Variants in ENTPD1 observed in about 807,000 individuals in gnomAD.
ENTPD1 encodes ectonucleoside triphosphate diphosphohydrolase 1.
ENTPD1 carries 33 observed loss-of-function variants against 57.0 expected under a neutral mutation model. That is an observed-to-expected ratio of 0.58 (90% confidence interval 0.44 to 0.77). The LOEUF is 0.77. Among genes scored for constraint, ENTPD1 ranks in the 30% least tolerant of loss-of-function variants. The pLI is 0.00. For synonymous variants in ENTPD1, 202 were observed against 218.8 expected (o/e 0.92, Z 0.68); for missense variants, 501 against 603.4 (o/e 0.83, Z 1.78).
chr10:95,791,761 G>A lies in ENTPD1; in HGVS notation c.17-31476G>A, dbSNP rs1443090377. On this transcript the variant is annotated intron_variant, in intron 1 of 9. Coordinates refer to ENST00000371205, the MANE Select transcript of ENTPD1 (RefSeq NM_001776.6). The surrounding 1 kb of genome is among the most constrained non-coding windows in gnomAD (Gnocchi z 4.1). ...GGTAGAGGTGTTAAAAGTGAACAGT[G>A]CCTGGGCCCCATGCTAGAAATTCTG... Among the ~76,000 whole-genome samples the A allele has an allele frequency of 6.6e-6, 1 of 152,210 alleles. No individual in the cohort carries two copies. The highest frequency in any genetic ancestry group is 2.4e-5 in the African/African-American group (1 of 41,458).
chr10:95,849,706 A>G (rs2098441629), intron 7 of ENTPD1, among the ~76,000 whole-genome samples: 1 of 152,256 alleles, frequency 6.6e-6, no homozygotes, highest in Non-Finnish European at 1.5e-5. Context: ...ACATGACAAG[A>G]CAATGACTGG....
At chr10:95,759,166 G>A (rs2098044629) in intron 1 of ENTPD1, among the ~76,000 whole-genome samples, 1 of 152,214 alleles carries the variant, frequency 6.6e-6, no homozygotes, top group Non-Finnish European at 1.5e-5. Context: ...CCTTCAAGAG[G>A]CTTGTTTAAA....
chr10:95,710,567 A>G (rs1426897705), upstream of ENTPD1, among the ~76,000 whole-genome samples: 1 of 152,210 alleles, frequency 6.6e-6, no homozygotes, highest in Admixed American at 6.5e-5. Flanking sequence ...CTTGCTTTTT[A>G]AGAGATTAAT....
At chr10:95,776,365 C>G (rs1271118651) in intron 1 of ENTPD1, among the ~76,000 whole-genome samples, 5 of 152,192 alleles carry the variant, frequency 3.3e-5, no homozygotes, top group African/African-American at 1.2e-4. Flanking sequence ...ATTTGCTTGT[C>G]TGTAAAGGAT....
chr10:95,740,669 T>C (rs1317294128), intron 1 of ENTPD1, among the ~76,000 whole-genome samples: 2 of 152,242 alleles, frequency 1.3e-5, no homozygotes, highest in African/African-American at 2.4e-5. Context: ...TTCATCTACA[T>C]TGAAAATCTG....
chr10:95,845,471 A>T lies in ENTPD1; in HGVS notation c.688A>T (p.Ile230Phe). ...CACTTTTGTACCCCAAAACCAGACT[A>T]TCGAGTCCCCAGATAATGCTCTGCA... ...QVTFVPQNQTIESPDNALQFR... is the reference protein window; with the variant it reads ...QVTFVPQNQTFESPDNALQFR... The change falls in exon 6 of 10, where the codon ATC becomes TTC. Residue 230 changes from isoleucine (I) to phenylalanine (F), a missense_variant. Physicochemically the swap from Ile to Phe is conservative, Grantham distance 21 (BLOSUM62 0). Transcript: ENST00000371205. 1 of 1,614,238 alleles carries T rather than the reference A, an allele frequency of 6.2e-7. No homozygotes were observed. Among genetic ancestry groups the T allele is most frequent in the Non-Finnish European group, 8.5e-7 (1 of 1,180,038 alleles).
chr10:95,872,775 T>C lies in ENTPD1; in HGVS notation c.*6392T>C, dbSNP rs1743003420. 1 of 985,370 alleles carries C rather than the reference T, an allele frequency of 1.0e-6. No homozygotes were observed. Among genetic ancestry groups the C allele is most frequent in the African/African-American group, 1.7e-5 (1 of 57,256 alleles). 61.0% of individuals were successfully genotyped at this position (985,370 alleles called of 1,614,324 possible). ...GCGAGCTGGTCCGCACCACTAGTTC[T>C]GCTTCACTCTATTTATCTCTTGATG... On this transcript the variant is annotated 3_prime_UTR_variant, in exon 10 of 10. Coordinates refer to ENST00000371205, the MANE Select transcript of ENTPD1 (RefSeq NM_001776.6).
At chr10:95,810,816 C>A (rs1374111755) in intron 1 of ENTPD1, among the ~76,000 whole-genome samples, 1 of 152,178 alleles carries the variant, frequency 6.6e-6, no homozygotes, top group African/African-American at 2.4e-5. Flanking sequence ...GGTAAAGGAA[C>A]CTTTCTCTAA....
chr10:95,768,925 T>C (rs1432452469), intron 1 of ENTPD1, among the ~76,000 whole-genome samples: 1 of 152,242 alleles, frequency 6.6e-6, no homozygotes, highest in African/African-American at 2.4e-5. Flanking sequence ...TAAGGATGTA[T>C]TAGGGGAGAT....
chr10:95,876,485 C>T lies in ENTPD1; in HGVS notation c.*10102C>T, dbSNP rs2098485915. The T allele has an allele frequency of 8.1e-7, 1 of 1,231,332 alleles. No homozygotes were observed. The highest frequency in any genetic ancestry group is 1.0e-6 in the Non-Finnish European group (1 of 987,822). The allele number at this position is 1,231,332 out of a possible 1,614,324, so 76.3% of individuals were successfully genotyped here. A position where few individuals can be genotyped will look rare whatever the true frequency, so the allele number is the denominator to read the frequency against. ...ATAGCTTAAAAATATGTCTCTCTGT[C>T]CTATTCTGTATCTGTATCTCTTGGA... On this transcript the variant is annotated 3_prime_UTR_variant, in exon 10 of 10. Coordinates refer to ENST00000371205, the MANE Select transcript of ENTPD1 (RefSeq NM_001776.6).
At chr10:95,786,051 AAG>A (rs1283685337) in intron 1 of ENTPD1, among the ~76,000 whole-genome samples, 3 of 152,152 alleles carry the variant, frequency 2.0e-5, no homozygotes, top group Admixed American at 1.3e-4. Flanking sequence ...ATGCAGGTGA[AAG>A]AGAGGTGTTT....
intron 1 of ENTPD1, among the ~76,000 whole-genome samples, chr10:95,725,394 T>G (rs1247743333): frequency 1.3e-5 from 2 of 152,216 alleles, no homozygotes; most frequent in Admixed American, 1.3e-4. Context: ...ACTCTTATAG[T>G]TCTTTGCATA....
chr10:95,847,904 C>T (rs2098438462), intron 7 of ENTPD1, among the ~76,000 whole-genome samples, 198 bp downstream of exon 7: 1 of 152,136 alleles, frequency 6.6e-6, no homozygotes, highest in Admixed American at 6.6e-5. Flanking sequence ...TCTTTTTGTG[C>T]TAAGGTATGT....
intron 1 of ENTPD1, among the ~76,000 whole-genome samples, chr10:95,730,973 G>A (rs539068605): frequency 9.9e-5 from 15 of 152,206 alleles, no homozygotes; most frequent in East Asian, 5.8e-4. Flanking sequence ...CTAAAGTAGC[G>A]TCATTAATAA....
At chr10:95,844,670 C>T (rs533193969) in intron 5 of ENTPD1, 35 bp downstream of exon 5, 2 of 1,613,388 alleles carry the variant, frequency 1.2e-6, no homozygotes, top group African/African-American at 2.7e-5. Context: ...AGGTGGCTCT[C>T]TGGAGGCCAA....
At chr10:95,848,052 A>AACT (rs1377201810) in intron 7 of ENTPD1, among the ~76,000 whole-genome samples, 4 of 152,182 alleles carry the variant, frequency 2.6e-5, no homozygotes, top group Non-Finnish European at 5.9e-5. Flanking sequence ...CAAAGAGGTT[A>AACT]GCCCCAGCAG....
chr10:95,706,137 C>A, the ENTPD1 span, among the ~76,000 whole-genome samples: 1 of 152,000 alleles, frequency 6.6e-6, no homozygotes, highest in Non-Finnish European at 1.5e-5. Flanking sequence ...TGATCTAAAG[C>A]AAGATACACA....
At chr10:95,855,532 T>G (rs998618030) in intron 7 of ENTPD1, among the ~76,000 whole-genome samples, 77 of 152,044 alleles carry the variant, frequency 5.1e-4, no homozygotes, top group Non-Finnish European at 1.0e-3. Context: ...TTCCTAGCCT[T>G]GATGGTCTTT....
chr10:95,769,634 A>G (rs560518085), intron 1 of ENTPD1, among the ~76,000 whole-genome samples: 2 of 152,302 alleles, frequency 1.3e-5, no homozygotes, highest in South Asian at 4.1e-4. Context: ...TTTTAATAGG[A>G]TCACTCTGGC....
Sources: allele counts gnomAD v4.1 joint callset (sites outside exome capture counted in the v4.1 genomes callset), GRCh38; gene constraint gnomAD v4.1.1; non-coding constraint Gnocchi (gnomAD v3.1); transcripts MANE v1.5; gene names NCBI Gene and HGNC (gene_info 2026-07-23, HGNC 2026-07-21).